The following GRIA2 variants were observed in gnomAD, a reference collection of about 807,000 sequenced individuals.
GRIA2 encodes glutamate ionotropic receptor AMPA type subunit 2.
Under a neutral mutation model 97.3 loss-of-function variants are expected in GRIA2, and 14 were observed. The ratio of observed to expected loss-of-function variants is 0.14; its 90% CI spans 0.10 to 0.23. The LOEUF (loss-of-function observed/expected upper bound fraction) is 0.23. Among genes scored for constraint, GRIA2 ranks in the 10% least tolerant of loss-of-function variants. The pLI, the probability that GRIA2 is intolerant of heterozygous loss-of-function variation, is 1.00. For synonymous variants in GRIA2, 412 were observed against 387.8 expected, an observed-to-expected ratio of 1.06 and a Z score of -0.73; for missense variants, 558 against 1,069.8, an observed-to-expected ratio of 0.52 and a Z score of 6.67.
intron 2 of GRIA2, among the ~76,000 whole-genome samples, chr4:157,295,264 C>T (rs534110098): frequency 6.6e-6 from 1 of 152,062 alleles, no homozygotes; most frequent in Non-Finnish European, 1.5e-5. Flanking sequence ...ATTATTACAG[C>T]CTCATTGTCT....
At chr4:157,255,683 C>A (rs1731210884) in intron 2 of GRIA2, among the ~76,000 whole-genome samples, 1 of 151,856 alleles carries the variant, frequency 6.6e-6, no homozygotes, top group Non-Finnish European at 1.5e-5. Context: ...ACAAAGTGAA[C>A]AGACAACCTG....
At chr4:157,326,504 T>A (rs1225602221) in intron 6 of GRIA2, among the ~76,000 whole-genome samples, 2 of 152,108 alleles carry the variant, frequency 1.3e-5, no homozygotes, top group African/African-American at 2.4e-5. Flanking sequence ...AATCAACAAA[T>A]AAAGAAAAGC....
At chr4:157,221,447 G>GA (rs1208968212) in intron 1 of GRIA2, 33 of 587,542 alleles carry the variant, frequency 5.6e-5, no homozygotes, top group Non-Finnish European at 4.8e-5. Flanking sequence ...GAAAGGTGAA[G>GA]GTTTCTGGCC....
chr4:157,269,037 CACAT>C (rs1385801230), intron 2 of GRIA2, among the ~76,000 whole-genome samples: 1 of 152,040 alleles, frequency 6.6e-6, no homozygotes, highest in African/African-American at 2.4e-5. Flanking sequence ...TACTTACACA[CACAT>C]ACAAGTACAC....
chr4:157,257,923 T>C (rs1367809698), intron 2 of GRIA2, among the ~76,000 whole-genome samples: 1 of 152,120 alleles, frequency 6.6e-6, no homozygotes, highest in Non-Finnish European at 1.5e-5. Context: ...TTAATACTTT[T>C]ATAATTTCTT....
intron 12 of GRIA2, among the ~76,000 whole-genome samples, chr4:157,356,157 TTATA>T (rs1431917510): frequency 7.6e-6 from 1 of 131,976 alleles, no homozygotes; most frequent in African/African-American, 2.9e-5. Context: ...ATTTATTTAT[TTATA>T]TATATTTATA....
chr4:157,326,104 C>T (rs907920888), intron 6 of GRIA2, among the ~76,000 whole-genome samples: 4 of 152,148 alleles, frequency 2.6e-5, no homozygotes, highest in African/African-American at 9.7e-5. Flanking sequence ...CTTGCTGTTC[C>T]TCAACCAACC....
At chr4:157,320,729 A>G (rs1483911689) in intron 5 of GRIA2, among the ~76,000 whole-genome samples, 1 of 152,166 alleles carries the variant, frequency 6.6e-6, no homozygotes. Flanking sequence ...GAAAACATTT[A>G]TAATTGTGAT....
chr4:157,337,224 A>G (rs1031975967), intron 11 of GRIA2, among the ~76,000 whole-genome samples: 3 of 151,978 alleles, frequency 2.0e-5, no homozygotes, highest in Non-Finnish European at 4.4e-5. Flanking sequence ...GATATTATAA[A>G]ATTTATTTTT....
At chr4:157,221,537 C>A in intron 1 of GRIA2, 130 bp from the exon 2 acceptor site, 1 of 916,372 alleles carries the variant, frequency 1.1e-6, no homozygotes, top group South Asian at 1.6e-5. Flanking sequence ...CTGTCCGAGT[C>A]CGTAGGTGTG....
At chr4:157,335,439 C>T (rs1579372882) in intron 9 of GRIA2, 2 of 520,526 alleles carry the variant, frequency 3.8e-6, no homozygotes, top group African/African-American at 1.9e-5. Flanking sequence ...ATCTTGTTAA[C>T]TCAGTATGCT....
At chr4:157,238,731 T>A (rs1730359319) in intron 2 of GRIA2, among the ~76,000 whole-genome samples, 1 of 152,164 alleles carries the variant, frequency 6.6e-6, no homozygotes, top group East Asian at 1.9e-4. Context: ...AATTACTGGA[T>A]TAAAGGCCAT....
chr4:157,352,241 T>C (rs2126974345), intron 12 of GRIA2, among the ~76,000 whole-genome samples: 1 of 152,344 alleles, frequency 6.6e-6, no homozygotes, highest in African/African-American at 2.4e-5. Flanking sequence ...TATACACATC[T>C]ATTGAAAATT....
intron 2 of GRIA2, among the ~76,000 whole-genome samples, chr4:157,248,673 G>A (rs1009293807): frequency 1.1e-4 from 12 of 109,656 alleles, no homozygotes; most frequent in South Asian, 5.8e-4. Flanking sequence ...ATTTATGCAC[G>A]TGTCTATATA....
intron 2 of GRIA2, among the ~76,000 whole-genome samples, chr4:157,226,865 T>C (rs1054907996): frequency 1.3e-5 from 2 of 152,154 alleles, no homozygotes; most frequent in African/African-American, 4.8e-5. Flanking sequence ...AGGGACACAA[T>C]ACCGTAAAAG....
At chr4:157,349,380 GTTT>G (rs891925174) in intron 12 of GRIA2, among the ~76,000 whole-genome samples, 1 of 149,112 alleles carries the variant, frequency 6.7e-6, no homozygotes, top group Non-Finnish European at 1.5e-5. Flanking sequence ...ATTCAGTGCT[GTTT>G]TTTTTTCATA....
At chr4:157,254,863 G>A (rs567327552) in intron 2 of GRIA2, among the ~76,000 whole-genome samples, 1 of 152,128 alleles carries the variant, frequency 6.6e-6, no homozygotes, top group Non-Finnish European at 1.5e-5. Context: ...TCATGAATTA[G>A]TTAATTAAAT....
intron 2 of GRIA2, among the ~76,000 whole-genome samples, chr4:157,223,237 G>C (rs1343134193): frequency 6.6e-6 from 1 of 151,974 alleles, no homozygotes; most frequent in African/African-American, 2.4e-5. Context: ...GACGAATGAA[G>C]AAACAATTTT....
At chr4:157,312,176 A>G (rs1734111341) in intron 3 of GRIA2, among the ~76,000 whole-genome samples, 1 of 152,114 alleles carries the variant, frequency 6.6e-6, no homozygotes, top group African/African-American at 2.4e-5. Context: ...AGGAGAAAAT[A>G]TAGCAGCCTC....
Sources: gnomAD v4.1 joint callset for allele counts (sites outside exome capture counted in the v4.1 genomes callset) on GRCh38, gnomAD v4.1.1 for gene constraint, MANE v1.5 for transcripts, NCBI Gene and HGNC (gene_info 2026-07-23, HGNC 2026-07-21) for gene names.